PCED1B: variants seen among roughly 807,000 people sequenced by gnomAD.
PCED1B encodes PC-esterase domain containing 1B.
For synonymous variants in PCED1B, 251 were observed against 246.1 expected (o/e 1.02, Z -0.19); for missense variants, 573 against 573.9 (o/e 1.00, Z 0.02).
At chr12:47,095,386 TG>T (rs1938444987) in intron 1 of PCED1B, among the ~76,000 whole-genome samples, 1 of 152,140 alleles carries the variant, frequency 6.6e-6, no homozygotes. Flanking sequence ...TCTTTATCTT[TG>T]GTTTTCAACA....
At chr12:47,156,189 T>C (rs1267881272) in intron 2 of PCED1B, among the ~76,000 whole-genome samples, 2 of 152,196 alleles carry the variant, frequency 1.3e-5, no homozygotes, top group Non-Finnish European at 2.9e-5. Flanking sequence ...ATCTTCACCA[T>C]AGCCAAGAAC....
intron 1 of PCED1B, among the ~76,000 whole-genome samples, chr12:47,087,197 G>C (rs868636633): frequency 1.3e-5 from 2 of 152,136 alleles, no homozygotes; most frequent in Non-Finnish European, 2.9e-5. Flanking sequence ...AGGACCTCTC[G>C]AAAGACCCAA....
At chr12:47,210,629 G>A (rs11183799) in intron 2 of PCED1B, 34,082 of 152,098 alleles carry the variant, frequency 0.22, 4,588 homozygotes, top group Non-Finnish European at 0.3. Context: ...GCTGGGCATG[G>A]TGGTGCATAC....
intron 2 of PCED1B, among the ~76,000 whole-genome samples, chr12:47,146,449 C>T (rs574435385): frequency 3.7e-4 from 56 of 152,108 alleles, no homozygotes; most frequent in Non-Finnish European, 8.1e-4. Context: ...TATCAAACAG[C>T]ATCGCATGCT....
intron 2 of PCED1B, among the ~76,000 whole-genome samples, chr12:47,112,476 T>C (rs1939242464): frequency 6.6e-6 from 1 of 152,218 alleles, no homozygotes. Flanking sequence ...TATTCCATGA[T>C]GTTAGTGGAG....
At chr12:47,172,943 T>C (rs1202973938) in intron 2 of PCED1B, among the ~76,000 whole-genome samples, 2 of 152,168 alleles carry the variant, frequency 1.3e-5, no homozygotes, top group Non-Finnish European at 2.9e-5. Flanking sequence ...AATGTTTTTG[T>C]GTGTTTGTGA....
intron 2 of PCED1B, among the ~76,000 whole-genome samples, chr12:47,207,209 A>G (rs1942937619): frequency 6.6e-6 from 1 of 152,252 alleles, no homozygotes; most frequent in African/African-American, 2.4e-5. Flanking sequence ...CCTGAAGGTG[A>G]CAGATGGAGG....
At chr12:47,195,909 T>G (rs1430447655) in intron 2 of PCED1B, among the ~76,000 whole-genome samples, 1 of 152,220 alleles carries the variant, frequency 6.6e-6, no homozygotes, top group East Asian at 1.9e-4. Flanking sequence ...ACCATTTGCT[T>G]TTTTCTTGAA....
At chr12:47,095,543 T>C (rs536030823) in intron 1 of PCED1B, among the ~76,000 whole-genome samples, 50 of 152,296 alleles carry the variant, frequency 3.3e-4, no homozygotes, top group Non-Finnish European at 5.4e-4. Flanking sequence ...ATTATATATA[T>C]GTGAAAAGTT....
intron 2 of PCED1B, among the ~76,000 whole-genome samples, chr12:47,146,159 G>A (rs770047850): frequency 2.0e-5 from 3 of 152,160 alleles, no homozygotes; most frequent in Non-Finnish European, 2.9e-5. Flanking sequence ...CAGATGTAGC[G>A]CAAATAGCAA....
In PCED1B at chr12:47,236,208, CCTT is replaced by C. The variant is rs774578341; in HGVS notation, c.1150_1152del (p.Phe384del). 10 of 1,614,008 alleles carry C rather than the reference CCTT, an allele frequency of 6.2e-6. No homozygotes were observed. The highest frequency in any genetic ancestry group is 8.5e-6 in the Non-Finnish European group (10 of 1,180,034). On this transcript the variant is annotated inframe_deletion, in exon 4 of 4. Coordinates refer to ENST00000546455, the MANE Select transcript of PCED1B (RefSeq NM_138371.3). ...ATGGTTGGTCCTCAGCTGCCTATGC[CCTT>C]CTTCCCCACACCCCGTTATCAGCGG...
chr12:47,102,499 A>T (rs190528579), intron 1 of PCED1B, among the ~76,000 whole-genome samples: 118 of 152,340 alleles, frequency 7.7e-4, no homozygotes, highest in African/African-American at 2.7e-3. Context: ...TCTTTGTGAC[A>T]TCAGGAAGAG....
chr12:47,131,212 A>G (rs1053236378), intron 2 of PCED1B, among the ~76,000 whole-genome samples: 1 of 152,200 alleles, frequency 6.6e-6, no homozygotes, highest in African/African-American at 2.4e-5. Context: ...ACTTGCTGGC[A>G]TAGAAAATAA....
chr12:47,127,146 A>G (rs1209639876), intron 2 of PCED1B, among the ~76,000 whole-genome samples: 1 of 152,178 alleles, frequency 6.6e-6, no homozygotes. Flanking sequence ...TTTTAGCACT[A>G]TAAACTGTCC....
intron 3 of PCED1B, among the ~76,000 whole-genome samples, chr12:47,221,338 CTTT>C (rs63059763): frequency 0.35 from 37,827 of 108,508 alleles, 6,864 homozygotes; most frequent in African/African-American, 0.57. Context: ...CATCAAAATT[CTTT>C]TTTTTTTTTT....
At chr12:47,174,967 C>A (rs1233139483) in intron 2 of PCED1B, among the ~76,000 whole-genome samples, 1 of 152,120 alleles carries the variant, frequency 6.6e-6, no homozygotes, top group Non-Finnish European at 1.5e-5. Flanking sequence ...GATAGTAAGC[C>A]TTGATAAGTA....
At chr12:47,217,820 G>A (rs553579686) in intron 3 of PCED1B, among the ~76,000 whole-genome samples, 1 of 152,222 alleles carries the variant, frequency 6.6e-6, no homozygotes, top group South Asian at 2.1e-4. Context: ...CAGGTGATCC[G>A]ACCGTCTTGG....
At chr12:47,161,386 T>C (rs965357696) in intron 2 of PCED1B, among the ~76,000 whole-genome samples, 3 of 152,204 alleles carry the variant, frequency 2.0e-5, no homozygotes, top group Admixed American at 2.0e-4. Context: ...TCACCACATA[T>C]GTGAGGGTAT....
intron 2 of PCED1B, among the ~76,000 whole-genome samples, chr12:47,138,909 G>A (rs962291908): frequency 6.6e-6 from 1 of 152,016 alleles, no homozygotes; most frequent in Non-Finnish European, 1.5e-5. Context: ...TGTGCCTTTG[G>A]GATAATGTTT....
Sources: allele counts gnomAD v4.1 joint callset (sites outside exome capture counted in the v4.1 genomes callset), GRCh38; gene constraint gnomAD v4.1.1; transcripts MANE v1.5; gene names NCBI Gene and HGNC (gene_info 2026-07-23, HGNC 2026-07-21).